Variants in DNAI7 observed in about 807,000 individuals in gnomAD.
DNAI7 encodes dynein axonemal intermediate chain 7.
A neutral mutation model predicts 86.6 loss-of-function variants in DNAI7; 78 were observed. The observed-to-expected ratio is 0.90, with a 90% CI of 0.75 to 1.09. DNAI7 has a LOEUF of 1.09. Among genes scored for constraint, DNAI7 ranks in the 50% least tolerant of loss-of-function variants. The pLI is 0.00. For synonymous variants in DNAI7, 274 were observed against 273.0 expected (o/e 1.00, Z -0.04); for missense variants, 753 against 810.2 (o/e 0.93, Z 0.86).
chr12:25,155,421 C>T lies in DNAI7; in HGVS notation c.199-9G>A. The T allele has an allele frequency of 1.4e-6, 2 of 1,458,038 alleles. No homozygotes were observed. Among genetic ancestry groups the T allele is most frequent in the Non-Finnish European group, 1.9e-6 (2 of 1,047,476 alleles). 90.3% of individuals were successfully genotyped at this position (1,458,038 alleles called of 1,614,324 possible). A position where few individuals can be genotyped will look rare whatever the true frequency, so the allele number is the denominator to read the frequency against. On this transcript the variant is annotated splice_polypyrimidine_tract_variant and intron_variant, in intron 4 of 15. Coordinates refer to ENST00000395987, the MANE Select transcript of DNAI7 (RefSeq NM_018272.5). ...TTTCTCCTTTCTAGATCCTGTTGCA[C>T]AAGGACAGATACATTGATCAGCTCT...
Position 25,158,121 on chromosome 12 carries a change from C to T in DNAI7, c.198+351G>A, listed in dbSNP as rs554518551. Reference sequence around the variant, plus strand: ...GCAGGCACCTGTAGTCCCAGCTACTCGGAAGGCTGAGGCAGGAGAATGGCG... The same window carrying T: ...GCAGGCACCTGTAGTCCCAGCTACTTGGAAGGCTGAGGCAGGAGAATGGCG... On this transcript the variant is annotated intron_variant, in intron 4 of 15. Transcript: ENST00000395987. 6.6e-5 allele frequency among the ~76,000 whole-genome samples: 10 copies of T among 151,984 alleles called. No individual in the cohort carries two copies. The East Asian group carries it at 1.2e-3, about 18-fold the overall frequency.
chr12:25,179,705 G>A (rs1949318160), intron 2 of DNAI7, among the ~76,000 whole-genome samples: 1 of 151,150 alleles, frequency 6.6e-6, no homozygotes, highest in South Asian at 2.1e-4. Context: ...AATAGACACA[G>A]AAAACCCTTT....
chr12:25,134,799 T>C (rs191517296), intron 9 of DNAI7, among the ~76,000 whole-genome samples: 1 of 152,322 alleles, frequency 6.6e-6, no homozygotes, highest in Admixed American at 6.5e-5. Flanking sequence ...CCATTCAAAC[T>C]AAGAAAAGCT....
intron 12 of DNAI7, among the ~76,000 whole-genome samples, 190 bp downstream of exon 12, chr12:25,118,955 G>T (rs940191197): frequency 3.3e-5 from 5 of 152,172 alleles, no homozygotes; most frequent in Non-Finnish European, 7.3e-5. Flanking sequence ...GGAGTTAATA[G>T]TTACAACACT....
intron 13 of DNAI7, among the ~76,000 whole-genome samples, chr12:25,112,398 G>GTT (rs1939037709): frequency 3.6e-5 from 3 of 82,624 alleles, no homozygotes; most frequent in African/African-American, 1.2e-4. Flanking sequence ...ATTCACATCT[G>GTT]GTTTTTTTTT....
chr12:25,125,274 A>G (rs1941962645), intron 9 of DNAI7, among the ~76,000 whole-genome samples: 1 of 152,184 alleles, frequency 6.6e-6, no homozygotes, highest in Non-Finnish European at 1.5e-5. Flanking sequence ...CAACCTCACC[A>G]GCAACTTTTA....
intron 9 of DNAI7, among the ~76,000 whole-genome samples, chr12:25,125,044 T>C (rs1565657616): frequency 6.6e-6 from 1 of 152,222 alleles, no homozygotes; most frequent in Admixed American, 6.5e-5. Context: ...GTTGATTCCA[T>C]GTCTCTGCTA....
At chr12:25,122,634 ACATCG>A in intron 10 of DNAI7, among the ~76,000 whole-genome samples, 1 of 152,198 alleles carries the variant, frequency 6.6e-6, no homozygotes, top group East Asian at 1.9e-4. Flanking sequence ...GACAAATTAG[ACATCG>A]CTATTGCCTT....
chr12:25,142,769 T>C (rs1277786195), intron 9 of DNAI7, among the ~76,000 whole-genome samples: 1 of 152,242 alleles, frequency 6.6e-6, no homozygotes, highest in Admixed American at 6.5e-5. Flanking sequence ...TTTAATTTTG[T>C]ATTTTACTCC....
intron 2 of DNAI7, among the ~76,000 whole-genome samples, chr12:25,178,356 C>A (rs1236069861): frequency 6.6e-6 from 1 of 152,088 alleles, no homozygotes; most frequent in Non-Finnish European, 1.5e-5. Context: ...TTGTCTAATT[C>A]ATCTAAGTTT....
chr12:25,155,521 G>T, intron 4 of DNAI7, 109 bp from the exon 5 acceptor site: 2 of 517,678 alleles, frequency 3.9e-6, no homozygotes, highest in Non-Finnish European at 6.8e-6. Flanking sequence ...GTTTCAAAAT[G>T]AATATTAAAA....
Position 25,149,719 on chromosome 12 carries a change from T to C in DNAI7, c.494A>G (p.Asp165Gly). 1 of 1,567,468 alleles carries C rather than the reference T, an allele frequency of 6.4e-7. No homozygotes were observed. Among genetic ancestry groups the C allele is most frequent in the Non-Finnish European group, 8.8e-7 (1 of 1,139,518 alleles). ...TTCTTGGTACTGTATTATATTTTTA[T>C]CTTGCAAATCACATGGTGGAGTTTC... The part of the protein sequence containing the change: ...LLETPPCDLQ[D>G]KNIIQYQESI... The change falls in exon 7 of 16, where the codon GAT (aspartate) becomes GGT (glycine). Residue 165 changes from aspartate (D) to glycine (G), a missense_variant. By Grantham distance (94) the Asp-to-Gly change is moderately conservative. Coordinates refer to ENST00000395987, the MANE Select transcript of DNAI7 (RefSeq NM_018272.5).
At chr12:25,119,417 TTATA>T in intron 11 of DNAI7, 116 bp from the exon 12 acceptor site, 1 of 564,488 alleles carries the variant, frequency 1.8e-6, no homozygotes, top group Non-Finnish European at 3.0e-6. Context: ...TTGATCCTAT[TTATA>T]TATAGATTAA....
At chr12:25,171,863 C>G (rs1948181581) in intron 2 of DNAI7, among the ~76,000 whole-genome samples, 1 of 152,108 alleles carries the variant, frequency 6.6e-6, no homozygotes, top group Non-Finnish European at 1.5e-5. Context: ...AAACAAAAAT[C>G]ACATGATCAT....
chr12:25,115,592 A>T (rs1424124463), intron 12 of DNAI7, among the ~76,000 whole-genome samples: 3 of 152,248 alleles, frequency 2.0e-5, no homozygotes, highest in Non-Finnish European at 4.4e-5. Context: ...CAACATTATT[A>T]GTAATTAGGG....
rs1441280609 is a variant in DNAI7, at chr12:25,174,520, C to CATATATATGGGATATATATATGAT, written c.22-13324_22-13323insATCATATATATATCCCATATATAT. ...TCCCATATATATGGGATATATATAT[C>CATATATATGGGATATATATATGAT]ATATATATCATATATATGGGATATA... is the stretch of plus-strand genomic sequence containing the variant. On this transcript the variant is annotated intron_variant, in intron 2 of 15. Transcript: ENST00000395987. Among the ~76,000 whole-genome samples, 10 of 17,376 alleles carry CATATATATGGGATATATATATGAT rather than the reference C, an allele frequency of 5.8e-4. 3 individuals are homozygous for CATATATATGGGATATATATATGAT. The highest frequency in any genetic ancestry group is 2.7e-3 in the African/African-American group (6 of 2,252). 11.4% of individuals were successfully genotyped at this position (17,376 alleles called of 152,430 possible).
chr12:25,164,369 T>C (rs1386775562), intron 2 of DNAI7, among the ~76,000 whole-genome samples: 2 of 150,744 alleles, frequency 1.3e-5, no homozygotes, highest in East Asian at 1.9e-4. Context: ...GTCTCTACTC[T>C]CTCTTTTCTC....
At chr12:25,138,663 A>G (rs1943827671) in intron 9 of DNAI7, among the ~76,000 whole-genome samples, 1 of 152,196 alleles carries the variant, frequency 6.6e-6, no homozygotes, top group African/African-American at 2.4e-5. Flanking sequence ...CTGAACAATA[A>G]TAGTGACAAA....
chr12:25,174,407 G>GATATATATATCATATATATATCAT (rs1379019332), intron 2 of DNAI7, among the ~76,000 whole-genome samples: 140 of 286 alleles, frequency 0.49, 67 homozygotes, highest in African/African-American at 0.64. Context: ...ATATATATGG[G>GATATATATATCATATATATATCAT]ATATATGGGA....
Sources: gnomAD v4.1 joint callset for allele counts (sites outside exome capture counted in the v4.1 genomes callset) on GRCh38, gnomAD v4.1.1 for gene constraint, MANE v1.5 for transcripts, NCBI Gene and HGNC (gene_info 2026-07-23, HGNC 2026-07-21) for gene names.